Variants in MYCBP2 observed in about 807,000 individuals in gnomAD.
MYCBP2 encodes E3 ubiquitin-protein ligase MYCBP2.
Under a neutral mutation model 525.3 loss-of-function variants are expected in MYCBP2, and 120 were observed. That is an observed-to-expected ratio of 0.23 (90% CI 0.20 to 0.27). MYCBP2 has a LOEUF of 0.27. MYCBP2 is among the 10% of genes least tolerant of loss of function. MYCBP2 has a pLI of 1.00. For missense variants in MYCBP2, 4,149 were observed against 5,657.1 expected (o/e 0.73, Z 8.55); for synonymous variants, 1,894 against 1,955.8 (o/e 0.97, Z 0.83).
At chr13:77,184,755 T>A (rs1182427141) in intron 32 of MYCBP2, among the ~76,000 whole-genome samples, 4 of 152,178 alleles carry the variant, frequency 2.6e-5, no homozygotes, top group Admixed American at 6.5e-5. Flanking sequence ...CTCTCAGCTC[T>A]CTCTCCTTCC....
Position 77,166,844 on chromosome 13 carries a change from T to C in MYCBP2, c.6115-290A>G, listed in dbSNP as rs568046585. Among the ~76,000 whole-genome samples, 3 of 152,032 alleles carry C rather than the reference T, an allele frequency of 2.0e-5. No homozygotes were observed. In the South Asian group the frequency reaches 6.2e-4, roughly 32 times the overall value. On this transcript the variant is annotated intron_variant, in intron 40 of 82. Coordinates refer to ENST00000544440, the MANE Select transcript of MYCBP2 (RefSeq NM_015057.5). ...AAAAAGCAATTCCTAAAATCTAAGA[T>C]AAAATAAATGACTCTCTAAGTGTAT...
chr13:77,219,663 T>G (rs775739158), intron 20 of MYCBP2, among the ~76,000 whole-genome samples: 1 of 151,884 alleles, frequency 6.6e-6, no homozygotes, highest in Admixed American at 6.6e-5. Context: ...TGGATGGAAG[T>G]AGGTTTGCAG....
intron 68 of MYCBP2, 93 bp downstream of exon 68, chr13:77,076,658 A>T (rs1197479623): frequency 1.4e-6 from 1 of 701,542 alleles, no homozygotes; most frequent in Non-Finnish European, 2.3e-6. Context: ...CTGTTATTAC[A>T]TATCCATCAA....
intron 1 of MYCBP2, among the ~76,000 whole-genome samples, chr13:77,316,163 G>C (rs771680968): frequency 3.9e-5 from 6 of 152,062 alleles, no homozygotes; most frequent in Non-Finnish European, 8.8e-5. Context: ...TATTTACACA[G>C]AACATCCCAG....
At chr13:77,194,093 TAATA>T in intron 27 of MYCBP2, 56 bp downstream of exon 27, 1 of 1,059,366 alleles carries the variant, frequency 9.4e-7, no homozygotes, top group Non-Finnish European at 1.4e-6. Context: ...TATTCATTTA[TAATA>T]AATTTTTAAT....
intron 30 of MYCBP2, among the ~76,000 whole-genome samples, chr13:77,187,944 G>T (rs145190951): frequency 6.6e-6 from 1 of 151,820 alleles, no homozygotes; most frequent in Non-Finnish European, 1.5e-5. Flanking sequence ...GGTGGCAGGC[G>T]CCTGTAATCC....
chr13:77,215,239 C>T (rs1593995376), intron 21 of MYCBP2, among the ~76,000 whole-genome samples: 1 of 151,844 alleles, frequency 6.6e-6, no homozygotes, highest in East Asian at 1.9e-4. Context: ...ACAAATGAGC[C>T]CCACTCTATT....
At chr13:77,074,360 T>C (rs1000179072) in intron 68 of MYCBP2, among the ~76,000 whole-genome samples, 1 of 152,136 alleles carries the variant, frequency 6.6e-6, no homozygotes, top group Admixed American at 6.5e-5. Flanking sequence ...AACTATAACA[T>C]TTCTAAAGGA....
At chr13:77,148,672 A>G (rs1486020042) in intron 47 of MYCBP2, among the ~76,000 whole-genome samples, 1 of 152,072 alleles carries the variant, frequency 6.6e-6, no homozygotes, top group African/African-American at 2.4e-5. Context: ...TATGACTCAC[A>G]CTGTTATTCA....
At chr13:77,264,882 C>T (rs1030438711) in intron 8 of MYCBP2, among the ~76,000 whole-genome samples, 1 of 152,054 alleles carries the variant, frequency 6.6e-6, no homozygotes, top group East Asian at 1.9e-4. Flanking sequence ...CACACACACA[C>T]ACACATACTT....
At chr13:77,251,103 A>G in intron 15 of MYCBP2, 48 bp downstream of exon 15, 1 of 1,576,814 alleles carries the variant, frequency 6.3e-7, no homozygotes, top group Non-Finnish European at 8.7e-7. Flanking sequence ...GATTTTGCAA[A>G]GAAATGTGTT....
Position 77,166,323 on chromosome 13 carries a change from A to G in MYCBP2, c.6340+6T>C. ...CCACATAAAACAGAAGAAAAAAAAA[A>G]CTTACCTGGCAACACCAAAACCATA... On this transcript the variant is annotated splice_donor_region_variant and intron_variant, in intron 41 of 82. Coordinates refer to ENST00000544440, the MANE Select transcript of MYCBP2 (RefSeq NM_015057.5). 6.3e-7 allele frequency: 1 copy of G among 1,575,928 alleles called. No homozygotes were observed. The highest frequency in any genetic ancestry group is 1.4e-5 in the African/African-American group (1 of 72,792).
rs146996747 is a variant in MYCBP2 at position 77,270,659 on chromosome 13, G to T, written c.946-121C>A. On this transcript the variant is annotated intron_variant, in intron 5 of 82. Coordinates refer to ENST00000544440, the MANE Select transcript of MYCBP2 (RefSeq NM_015057.5). ...AATAAATTGTTCAGAATGATATTTC[G>T]CATGCCAGCAAAAAGTACCAACTAA... 8.8e-3 allele frequency: 9,335 copies of T among 1,059,698 alleles called. 74 individuals carry two copies. Among genetic ancestry groups the T allele is most frequent in the Non-Finnish European group, 9.3e-3 (7,083 of 763,372 alleles). 65.6% of individuals were successfully genotyped at this position (1,059,698 alleles called of 1,614,324 possible).
At chr13:77,093,914 C>G (rs911863374) in intron 58 of MYCBP2, among the ~76,000 whole-genome samples, 5 of 152,110 alleles carry the variant, frequency 3.3e-5, no homozygotes, top group African/African-American at 1.2e-4. Flanking sequence ...AGAAAAAAAT[C>G]TATAATTATG....
At chr13:77,301,332 C>G (rs890880821) in intron 1 of MYCBP2, among the ~76,000 whole-genome samples, 1 of 146,758 alleles carries the variant, frequency 6.8e-6, no homozygotes, top group Admixed American at 7.0e-5. Flanking sequence ...AGGAGAATCG[C>G]TTGAACCTGG....
chr13:77,269,256 A>C (rs565384143), intron 7 of MYCBP2, among the ~76,000 whole-genome samples: 1 of 152,354 alleles, frequency 6.6e-6, no homozygotes, highest in Admixed American at 6.5e-5. Context: ...TGTTTCCTAG[A>C]AAGTACTGAA....
chr13:77,085,332 T>G (rs933424800), intron 62 of MYCBP2, among the ~76,000 whole-genome samples: 4 of 152,220 alleles, frequency 2.6e-5, no homozygotes, highest in African/African-American at 9.6e-5. Context: ...TTCAAGTTTG[T>G]TAAAACTTGC....
chr13:77,162,431 T>C (rs1034683197), intron 43 of MYCBP2, among the ~76,000 whole-genome samples: 4 of 152,216 alleles, frequency 2.6e-5, no homozygotes, highest in Non-Finnish European at 4.4e-5. Context: ...ATTTTATTTA[T>C]TGATCTTTCT....
Position 77,098,356 on chromosome 13 carries a change from A to G in MYCBP2, c.8798T>C (p.Val2933Ala). The G allele has an allele frequency of 6.2e-7, 1 of 1,612,906 alleles. No homozygotes were observed. The highest frequency in any genetic ancestry group is 8.5e-7 in the Non-Finnish European group (1 of 1,179,800). ...TAAAGTACTTGAGGTGCAGACTTCG[A>G]CCACCTCACTGTGGAGGTTTTCCTG... The part of the protein sequence containing the change: ...VVQENLHSEV[V>A]EVCTSSTLKT... The change falls in exon 56 of 83, where the codon GTC (valine) becomes GCC (alanine). Residue 2933 changes from valine (V) to alanine (A), a missense_variant. Coordinates refer to ENST00000544440, the MANE Select transcript of MYCBP2 (RefSeq NM_015057.5).
Sources: allele counts gnomAD v4.1 joint callset (sites outside exome capture counted in the v4.1 genomes callset), GRCh38; gene constraint gnomAD v4.1.1; transcripts MANE v1.5; gene names NCBI Gene and HGNC (gene_info 2026-07-23, HGNC 2026-07-21).